The following SCHIP1 variants were observed in gnomAD, a reference collection of about 807,000 sequenced individuals.
SCHIP1 encodes schwannomin interacting protein 1, also known as schwannomin-interacting protein 1.
Under a neutral mutation model 29.7 loss-of-function variants are expected in SCHIP1, and 8 were observed. That is an observed-to-expected ratio of 0.27 (90% CI 0.16 to 0.49). The LOEUF (loss-of-function observed/expected upper bound fraction) is 0.49, where lower values mean the gene tolerates loss of function less well. Ranked by LOEUF, SCHIP1 falls within the 20% of genes least tolerant of loss-of-function variation. The pLI is 0.99. For missense variants in SCHIP1, 193 were observed against 294.6 expected, an observed-to-expected ratio of 0.66 and a Z score of 2.52; for synonymous variants, 76 against 94.9, an observed-to-expected ratio of 0.80 and a Z score of 1.16.
the SCHIP1 span, among the ~76,000 whole-genome samples, chr3:159,424,242 G>A: frequency 3.3e-5 from 5 of 151,498 alleles, no homozygotes; most frequent in African/African-American, 9.6e-5. Flanking sequence ...ATCAAACTAC[G>A]AACTACAGGA....
the SCHIP1 span, among the ~76,000 whole-genome samples, chr3:159,589,387 T>C: frequency 6.6e-6 from 1 of 152,200 alleles, no homozygotes; most frequent in Non-Finnish European, 1.5e-5. Flanking sequence ...TTTCTAGATA[T>C]ACAGTCATGT....
chr3:159,329,109 G>A, the SCHIP1 span, among the ~76,000 whole-genome samples: 1 of 152,090 alleles, frequency 6.6e-6, no homozygotes, highest in Non-Finnish European at 1.5e-5. Flanking sequence ...GGGGAGCTTA[G>A]AGCAGGGAGT....
the SCHIP1 span, among the ~76,000 whole-genome samples, chr3:159,412,808 G>A: frequency 6.6e-6 from 1 of 152,210 alleles, no homozygotes; most frequent in Non-Finnish European, 1.5e-5. Flanking sequence ...AGACACATCT[G>A]CAGCAATGGA....
the SCHIP1 span, among the ~76,000 whole-genome samples, chr3:159,384,842 G>T: frequency 6.6e-6 from 1 of 152,180 alleles, no homozygotes; most frequent in Admixed American, 6.5e-5. Flanking sequence ...TCTTGGGAGG[G>T]TGTATTTGTC....
chr3:159,775,300 G>C, the SCHIP1 span, among the ~76,000 whole-genome samples: 2 of 152,228 alleles, frequency 1.3e-5, no homozygotes, highest in African/African-American at 4.8e-5. Context: ...TCCAGGTGCA[G>C]AGGCAGGTGA....
the SCHIP1 span, among the ~76,000 whole-genome samples, chr3:159,395,683 G>C: frequency 6.6e-6 from 1 of 152,164 alleles, no homozygotes; most frequent in Admixed American, 6.5e-5. Flanking sequence ...TGGTCTGAGA[G>C]ATAGTTTGTT....
At chr3:159,454,852 T>C in the SCHIP1 span, among the ~76,000 whole-genome samples, 19 of 152,318 alleles carry the variant, frequency 1.2e-4, no homozygotes, top group East Asian at 3.3e-3. Flanking sequence ...CATCCAACAA[T>C]GGACCTATAG....
the SCHIP1 span, among the ~76,000 whole-genome samples, chr3:159,341,741 T>G: frequency 0.23 from 35,019 of 152,002 alleles, 4,261 homozygotes; most frequent in African/African-American, 0.3. Flanking sequence ...TTTTTGCTTG[T>G]TAGGGTGGGA....
chr3:159,770,537 G>C, the SCHIP1 span, among the ~76,000 whole-genome samples: 1 of 152,110 alleles, frequency 6.6e-6, no homozygotes, highest in African/African-American at 2.4e-5. Context: ...GGGATTACAG[G>C]TGTGAGCCAC....
the SCHIP1 span, among the ~76,000 whole-genome samples, chr3:159,700,681 G>A: frequency 8.8e-3 from 1,332 of 152,032 alleles, 24 homozygotes; most frequent in African/African-American, 0.03. Flanking sequence ...TTAGCTAGGC[G>A]TGGTGGCATG....
At chr3:159,418,425 A>C in the SCHIP1 span, among the ~76,000 whole-genome samples, 1 of 152,354 alleles carries the variant, frequency 6.6e-6, no homozygotes, top group Admixed American at 6.5e-5. Flanking sequence ...TATTGTCATA[A>C]AAACTTGCTT....
chr3:159,408,986 T>C, the SCHIP1 span, among the ~76,000 whole-genome samples: 1 of 152,146 alleles, frequency 6.6e-6, no homozygotes, highest in Non-Finnish European at 1.5e-5. Context: ...ATTCAACATA[T>C]GCAAATCAAT....
the SCHIP1 span, among the ~76,000 whole-genome samples, chr3:159,456,216 T>A: frequency 2.8e-4 from 42 of 152,270 alleles, no homozygotes; most frequent in African/African-American, 1.0e-3. Context: ...TGCCTTATGG[T>A]TTATGTCTCT....
chr3:159,843,161 C>T (rs543000034), intron 1 of SCHIP1, among the ~76,000 whole-genome samples: 10 of 151,044 alleles, frequency 6.6e-5, no homozygotes, highest in African/African-American at 2.2e-4. Flanking sequence ...TACAGGCGCC[C>T]GCCACCATGC....
the SCHIP1 span, among the ~76,000 whole-genome samples, chr3:159,444,613 C>T: frequency 6.6e-6 from 1 of 152,104 alleles, no homozygotes; most frequent in East Asian, 1.9e-4. Context: ...TCTGAAAGAA[C>T]TTATAATCTA....
chr3:159,866,343 T>G (rs1315918598), intron 2 of SCHIP1, 62 bp downstream of exon 3: 57 of 1,462,296 alleles, frequency 3.9e-5, no homozygotes, highest in Non-Finnish European at 9.3e-7. Context: ...ACTTGACTAT[T>G]CTAATAAAAA....
At chr3:159,528,636 T>G in the SCHIP1 span, among the ~76,000 whole-genome samples, 1 of 152,200 alleles carries the variant, frequency 6.6e-6, no homozygotes, top group Non-Finnish European at 1.5e-5. Context: ...CGCCACGTTT[T>G]GGAGAACAGT....
At chr3:159,577,535 T>C in the SCHIP1 span, among the ~76,000 whole-genome samples, 5 of 152,092 alleles carry the variant, frequency 3.3e-5, no homozygotes, top group African/African-American at 9.7e-5. Flanking sequence ...GACAACTCCT[T>C]TTTATGTGTA....
chr3:159,843,738 G>A (rs995398751), intron 1 of SCHIP1, among the ~76,000 whole-genome samples: 8 of 148,054 alleles, frequency 5.4e-5, no homozygotes, highest in African/African-American at 2.0e-4. Flanking sequence ...CAGGAGAATG[G>A]TGTGAACCCG....
Sources: allele counts gnomAD v4.1 joint callset (sites outside exome capture counted in the v4.1 genomes callset), GRCh38; gene constraint gnomAD v4.1.1; transcripts MANE v1.5; gene names NCBI Gene and HGNC (gene_info 2026-07-23, HGNC 2026-07-21).